Variants in EZR observed in about 807,000 individuals in gnomAD.
The protein encoded by EZR is cytovillin 2.
A neutral mutation model predicts 74.8 loss-of-function variants in EZR; 40 were observed. The observed-to-expected ratio is 0.53, with a 90% CI of 0.42 to 0.70. The LOEUF (loss-of-function observed/expected upper bound fraction) is 0.70. Ranked by LOEUF, EZR falls within the 30% of genes least tolerant of loss-of-function variation. EZR has a pLI of 0.00. For synonymous variants in EZR, 341 were observed against 283.3 expected (o/e 1.20, Z -2.05); for missense variants, 678 against 755.8 (o/e 0.90, Z 1.21).
intron 2 of EZR, among the ~76,000 whole-genome samples, chr6:158,817,312 G>A (rs1030460169): frequency 2.6e-5 from 4 of 152,182 alleles, no homozygotes; most frequent in Non-Finnish European, 5.9e-5. Context: ...AGAAGCGTCA[G>A]TCCCAGAGAA....
intron 2 of EZR, among the ~76,000 whole-genome samples, chr6:158,801,854 G>A (rs1777194117): frequency 6.6e-6 from 1 of 152,238 alleles, no homozygotes; most frequent in African/African-American, 2.4e-5. Context: ...CTGGCCAGGT[G>A]GCAGAGTTCC....
At position 158,771,222 on chromosome 6, in the gene EZR, C is replaced by G. The variant is rs193110126; in HGVS notation, c.959+22G>C. 642 of 1,590,284 alleles carry G rather than the reference C, an allele frequency of 4.0e-4. 5 individuals are homozygous for G. In the East Asian group the frequency reaches 0.011, roughly 27 times the overall value. Reference sequence around the variant, plus strand: ...GAGTTGGGAGAACACAGGCCCCCCCCACTCTGGCCTCACGCGCTCACCGCT... The same window carrying G: ...GAGTTGGGAGAACACAGGCCCCCCCGACTCTGGCCTCACGCGCTCACCGCT... On this transcript the variant is annotated intron_variant, in intron 9 of 13. Transcript: ENST00000367075.
In EZR at chr6:158,766,222, TA is replaced by T. The variant is rs1562485837; in HGVS notation, c.*691del. The stretch of plus-strand genomic sequence containing the variant: ...TAAAACTAATGTTACAAATCTGTAT[TA>T]TCACTTGTATATAAATAGTATATAG... On this transcript the variant is annotated 3_prime_UTR_variant, in exon 14 of 14. Transcript: ENST00000367075. The T allele has an allele frequency of 2.0e-5, 3 of 152,304 alleles. No homozygotes were observed. The East Asian group carries it at 5.8e-4, about 29-fold the overall frequency. The allele number at this position is 152,304 out of a possible 1,614,324, so 9.4% of individuals were successfully genotyped here. A position where few individuals can be genotyped will look rare whatever the true frequency, so the allele number is the denominator to read the frequency against.
chr6:158,802,570 T>G (rs983426425), intron 2 of EZR, among the ~76,000 whole-genome samples: 4 of 152,196 alleles, frequency 2.6e-5, no homozygotes, highest in Admixed American at 2.6e-4. Context: ...TCACTCTTGT[T>G]GCCCAGGCTG....
intron 2 of EZR, among the ~76,000 whole-genome samples, chr6:158,810,185 GGTTTT>G (rs1324228565): frequency 6.6e-6 from 1 of 152,088 alleles, no homozygotes; most frequent in Non-Finnish European, 1.5e-5. Context: ...TTGCTTTTAA[GGTTTT>G]GTTTTCAAGT....
intron 2 of EZR, among the ~76,000 whole-genome samples, chr6:158,798,444 A>C (rs1162956304): frequency 1.3e-5 from 2 of 152,210 alleles, no homozygotes; most frequent in Non-Finnish European, 2.9e-5. Context: ...TGGCTGCCAA[A>C]CTGACACCAA....
chr6:158,805,887 G>A (rs1318286399), intron 2 of EZR, among the ~76,000 whole-genome samples: 1 of 152,134 alleles, frequency 6.6e-6, no homozygotes, highest in Non-Finnish European at 1.5e-5. Context: ...CACAGCCCCA[G>A]TATGTAGATT....
At chr6:158,804,755 C>CTTTT (rs67712417) in intron 2 of EZR, among the ~76,000 whole-genome samples, 51 of 151,226 alleles carry the variant, frequency 3.4e-4, no homozygotes, top group African/African-American at 1.1e-3. Flanking sequence ...TTTTTCCTTT[C>CTTTT]TTTTTTTCTT....
intron 2 of EZR, among the ~76,000 whole-genome samples, chr6:158,803,196 C>CTT (rs55723033): frequency 0.39 from 58,320 of 151,426 alleles, 12,166 homozygotes; most frequent in African/African-American, 0.51. Context: ...TTCCTAGTAA[C>CTT]TGACTTTTCA....
chr6:158,785,138 C>CTA, intron 5 of EZR, among the ~76,000 whole-genome samples, 171 bp downstream of exon 5: 1 of 152,232 alleles, frequency 6.6e-6, no homozygotes, highest in African/African-American at 2.4e-5. Context: ...GGCAGCTCGC[C>CTA]TTCCCTGGCT....
intron 8 of EZR, among the ~76,000 whole-genome samples, chr6:158,773,886 C>CT (rs1791191424): frequency 6.6e-6 from 1 of 152,360 alleles, no homozygotes; most frequent in African/African-American, 2.4e-5. Flanking sequence ...GCCTCAGCCC[C>CT]TCATAGTGTC....
chr6:158,773,001 T>G (rs1425953563), intron 8 of EZR, among the ~76,000 whole-genome samples: 1 of 152,198 alleles, frequency 6.6e-6, no homozygotes, highest in African/African-American at 2.4e-5. Flanking sequence ...TTCACACCCT[T>G]GCTGTTAAGT....
At chr6:158,788,641 A>G (rs1425954187) in intron 3 of EZR, among the ~76,000 whole-genome samples, 1 of 133,690 alleles carries the variant, frequency 7.5e-6, no homozygotes, top group African/African-American at 2.7e-5. Context: ...AGTGAGATTC[A>G]GTCTCAAAGA....
At chr6:158,802,658 A>G (rs1777211946) in intron 2 of EZR, among the ~76,000 whole-genome samples, 1 of 152,092 alleles carries the variant, frequency 6.6e-6, no homozygotes, top group East Asian at 1.9e-4. Flanking sequence ...CAGCCTCCCG[A>G]GTAGCCGGGA....
Position 158,776,400 on chromosome 6 carries a change from G to A in EZR, c.795+8C>T, listed in dbSNP as rs1314298398. 2.5e-6 allele frequency: 4 copies of A among 1,607,006 alleles called. No homozygotes were observed. The highest frequency in any genetic ancestry group is 3.3e-5 in the Admixed American group (2 of 59,986). ...AGTAGCCCCTGAATAGAATCCTTTG[G>A]AACTTACAGGTGCCTTCTTGTCGAT... On this transcript the variant is annotated splice_region_variant and intron_variant, in intron 8 of 13. Coordinates refer to ENST00000367075, the MANE Select transcript of EZR (RefSeq NM_001111077.2).
chr6:158,801,346 C>G (rs554140211), intron 2 of EZR, among the ~76,000 whole-genome samples: 1 of 152,204 alleles, frequency 6.6e-6, no homozygotes, highest in Non-Finnish European at 1.5e-5. Flanking sequence ...TTGAACTAGG[C>G]AGGGTGCTGG....
chr6:158,815,117 C>T (rs375428016), intron 2 of EZR, among the ~76,000 whole-genome samples: 2 of 152,178 alleles, frequency 1.3e-5, no homozygotes, highest in Non-Finnish European at 2.9e-5. Flanking sequence ...ACATTCTTCG[C>T]TAACATTCTT....
At chr6:158,790,159 T>A (rs923092928) in intron 2 of EZR, among the ~76,000 whole-genome samples, 2 of 152,194 alleles carry the variant, frequency 1.3e-5, no homozygotes, top group Admixed American at 6.5e-5. Flanking sequence ...TGTAGTGATA[T>A]TAAATTATAA....
intron 2 of EZR, among the ~76,000 whole-genome samples, chr6:158,804,199 C>T (rs764970663): frequency 1.7e-4 from 26 of 151,900 alleles, no homozygotes; most frequent in Middle Eastern, 6.8e-3. Context: ...CCAACTTCTT[C>T]TACACTGGAA....
Sources: gnomAD v4.1 joint callset for allele counts (sites outside exome capture counted in the v4.1 genomes callset) on GRCh38, gnomAD v4.1.1 for gene constraint, MANE v1.5 for transcripts, NCBI Gene and HGNC (gene_info 2026-07-23, HGNC 2026-07-21) for gene names.